The following OSBPL1A variants were observed in gnomAD, a reference collection of about 807,000 sequenced individuals.
OSBPL1A encodes the protein oxysterol-binding protein-related protein 1.
Under a neutral mutation model 137.1 loss-of-function variants are expected in OSBPL1A, and 80 were observed. That is an observed-to-expected ratio of 0.58 (90% CI 0.49 to 0.70). OSBPL1A has a LOEUF of 0.70. OSBPL1A is among the 30% of genes least tolerant of loss of function. The probability of loss-of-function intolerance (pLI) is 0.00; values close to 1 mark genes in which losing one functional copy is unlikely to be tolerated. For missense variants in OSBPL1A, 970 were observed against 1,129.4 expected, an observed-to-expected ratio of 0.86 and a Z score of 2.02; for synonymous variants, 365 against 389.7, an observed-to-expected ratio of 0.94 and a Z score of 0.75.
chr18:24,298,830 C>T (rs2090345303), intron 14 of OSBPL1A, among the ~76,000 whole-genome samples: 1 of 152,178 alleles, frequency 6.6e-6, no homozygotes, highest in East Asian at 1.9e-4. Context: ...TGGAGGAATA[C>T]TGAAGTTCGC....
In OSBPL1A at chr18:24,239,344, G is replaced by GT. The variant is rs1204200371; in HGVS notation, c.1319dup (p.Asn440LysfsTer14). 2.5e-6 allele frequency: 4 copies of GT among 1,613,836 alleles called. No individual in the cohort carries two copies. Among genetic ancestry groups the GT allele is most frequent in the South Asian group, 2.2e-5 (2 of 91,066 alleles). Reference sequence around the variant, plus strand: ...TCTCCAGTGCTTCTGACAAGATTTTGTTTTTTTCTTGCTCTTGTTCCAATT... The same window carrying GT: ...TCTCCAGTGCTTCTGACAAGATTTTGTTTTTTTTCTTGCTCTTGTTCCAATT... On this transcript the variant is annotated frameshift_variant, in exon 16 of 28. Coordinates refer to ENST00000319481, the MANE Select transcript of OSBPL1A (RefSeq NM_080597.4). LOFTEE classifies it high-confidence loss of function.
chr18:24,323,344 GC>G, intron 7 of OSBPL1A, among the ~76,000 whole-genome samples: 1 of 151,048 alleles, frequency 6.6e-6, no homozygotes, highest in Middle Eastern at 3.5e-3. Context: ...CTTGATGCCA[GC>G]AGTTCGAGAC....
intron 15 of OSBPL1A, among the ~76,000 whole-genome samples, chr18:24,255,090 G>C (rs2089230887): frequency 1.3e-5 from 2 of 152,076 alleles, no homozygotes; most frequent in African/African-American, 4.8e-5. Context: ...CAATAAATTG[G>C]AAAATCTAGA....
At chr18:24,230,264 G>A (rs1404331023) in intron 16 of OSBPL1A, among the ~76,000 whole-genome samples, 1 of 152,164 alleles carries the variant, frequency 6.6e-6, no homozygotes, top group African/African-American at 2.4e-5. Flanking sequence ...AGGGAGGAAT[G>A]GGGAGTTGGT....
In OSBPL1A at chr18:24,318,759, CA is replaced by C; in HGVS notation, c.675del (p.Val226LeufsTer10). ...LAQGAEMKHI[L>X]VGNKVIYKAL... ...TCATTACTCTGTACCTTATTACCAA[CA>C]AGAATGTGTTTCATTTCAGCACCCT... On this transcript the variant is annotated frameshift_variant, in exon 8 of 28. Transcript: ENST00000319481. LOFTEE classifies it high-confidence loss of function. 6.2e-7 allele frequency: 1 copy of C among 1,612,956 alleles called. No homozygotes were observed. Among genetic ancestry groups the C allele is most frequent in the African/African-American group, 1.3e-5 (1 of 74,966 alleles).
At chr18:24,337,594 T>C (rs982742811) in intron 5 of OSBPL1A, among the ~76,000 whole-genome samples, 1 of 146,022 alleles carries the variant, frequency 6.8e-6, no homozygotes, top group African/African-American at 2.5e-5. Context: ...AAAAAGTCAG[T>C]ATCAAGAACA....
intron 15 of OSBPL1A, among the ~76,000 whole-genome samples, chr18:24,277,660 TA>T (rs780753643): frequency 1.8e-4 from 27 of 152,242 alleles, no homozygotes; most frequent in Non-Finnish European, 2.8e-4. Flanking sequence ...AATAGACATG[TA>T]ATTTATAATG....
At chr18:24,299,332 G>A (rs2090354496) in intron 14 of OSBPL1A, among the ~76,000 whole-genome samples, 3 of 151,990 alleles carry the variant, frequency 2.0e-5, no homozygotes. Context: ...TAGGCCCTGT[G>A]AGTTTTATGC....
At chr18:24,219,825 A>G (rs924215401) in intron 17 of OSBPL1A, among the ~76,000 whole-genome samples, 2 of 152,174 alleles carry the variant, frequency 1.3e-5, no homozygotes, top group African/African-American at 4.8e-5. Context: ...GGGCAACTCA[A>G]CTTGGGTTTG....
At chr18:24,318,864 T>A in intron 7 of OSBPL1A, 55 bp from the exon 8 acceptor site, 2 of 1,405,752 alleles carry the variant, frequency 1.4e-6, no homozygotes. Context: ...ACTATGACAA[T>A]CAATGCTGTA....
intron 15 of OSBPL1A, among the ~76,000 whole-genome samples, chr18:24,241,212 A>G (rs185931187): frequency 6.6e-6 from 1 of 152,352 alleles, no homozygotes; most frequent in East Asian, 1.9e-4. Context: ...GGACATAGGC[A>G]TGGGCAAGGA....
chr18:24,336,413 T>C (rs1448466394), intron 5 of OSBPL1A, among the ~76,000 whole-genome samples: 1 of 152,128 alleles, frequency 6.6e-6, no homozygotes, highest in Non-Finnish European at 1.5e-5. Flanking sequence ...GACACTGAAA[T>C]AAAACTGCTG....
At chr18:24,296,308 C>T (rs186512708) in intron 14 of OSBPL1A, among the ~76,000 whole-genome samples, 5 of 152,110 alleles carry the variant, frequency 3.3e-5, no homozygotes, top group East Asian at 3.9e-4. Context: ...TCAGCTTGGT[C>T]GCTGTTGCTG....
At chr18:24,394,156 T>C (rs1414155356) in intron 1 of OSBPL1A, among the ~76,000 whole-genome samples, 2 of 152,188 alleles carry the variant, frequency 1.3e-5, no homozygotes, top group African/African-American at 4.8e-5. Flanking sequence ...ATTGAAATCA[T>C]AAAATGTTTA....
At chr18:24,287,560 A>G (rs1048568729) in intron 14 of OSBPL1A, among the ~76,000 whole-genome samples, 10 of 151,924 alleles carry the variant, frequency 6.6e-5, no homozygotes, top group African/African-American at 1.9e-4. Flanking sequence ...ATCACCTGAG[A>G]TCAGGAGTTC....
intron 11 of OSBPL1A, among the ~76,000 whole-genome samples, chr18:24,314,902 T>C (rs1458838378): frequency 6.6e-6 from 1 of 152,128 alleles, no homozygotes; most frequent in African/African-American, 2.4e-5. Context: ...CCTTGAGCAG[T>C]AGGATATAAA....
intron 14 of OSBPL1A, among the ~76,000 whole-genome samples, chr18:24,287,570 C>G (rs542318197): frequency 1.1e-4 from 16 of 151,994 alleles, no homozygotes; most frequent in Non-Finnish European, 1.6e-4. Context: ...ATCAGGAGTT[C>G]CAGACCAACC....
chr18:24,348,307 C>T (rs1030877002), intron 4 of OSBPL1A, among the ~76,000 whole-genome samples: 49 of 151,278 alleles, frequency 3.2e-4, no homozygotes, highest in African/African-American at 1.2e-3. Context: ...TAATAATACT[C>T]AATATTTAAT....
chr18:24,366,257 C>T (rs141112024), intron 4 of OSBPL1A: 1 of 152,326 alleles, frequency 6.6e-6, no homozygotes, highest in East Asian at 1.9e-4. Flanking sequence ...CATTCAAGAA[C>T]CTCCACGTGT....
Sources: allele counts gnomAD v4.1 joint callset (sites outside exome capture counted in the v4.1 genomes callset), GRCh38; gene constraint gnomAD v4.1.1; transcripts MANE v1.5; gene names NCBI Gene and HGNC (gene_info 2026-07-23, HGNC 2026-07-21).